PHACTR2: variants seen among roughly 807,000 people sequenced by gnomAD.
PHACTR2 encodes the protein phosphatase and actin regulator 2.
Under a neutral mutation model 76.0 loss-of-function variants are expected in PHACTR2, and 30 were observed. The observed-to-expected ratio is 0.39, with a 90% CI of 0.30 to 0.54. The LOEUF (loss-of-function observed/expected upper bound fraction) is 0.54, where lower values mean the gene tolerates loss of function less well. PHACTR2 is among the 20% of genes least tolerant of loss of function. The pLI, the probability that PHACTR2 is intolerant of heterozygous loss-of-function variation, is 0.61. For synonymous variants in PHACTR2, 292 were observed against 292.5 expected, an observed-to-expected ratio of 1.00 and a Z score of 0.02; for missense variants, 696 against 781.1, an observed-to-expected ratio of 0.89 and a Z score of 1.30.
At position 143,628,922 on chromosome 6, in the gene PHACTR2, GAGATAT is replaced by G. The variant is rs1410859912; in HGVS notation, c.13+20602_13+20607del. 1.5e-3 allele frequency among the ~76,000 whole-genome samples: 157 copies of G among 104,480 alleles called. 21 individuals are homozygous for G. Among genetic ancestry groups the G allele is most frequent in the Middle Eastern group, 9.8e-3 (2 of 204 alleles). The allele number at this position is 104,480 out of a possible 152,430, so 68.5% of individuals were successfully genotyped here. A position where few individuals can be genotyped will look rare whatever the true frequency, so the allele number is the denominator to read the frequency against. ...AAAGAAGATGAATGTTTAAATGCAGGAGATATATATATATATATATATATATATATA... is the reference window on the plus strand; with the variant it reads ...AAAGAAGATGAATGTTTAAATGCAGGATATATATATATATATATATATATA... On this transcript the variant is annotated intron_variant, in intron 1 of 11. Coordinates refer to the PHACTR2 transcript ENST00000305766.
chr6:143,760,472 C>T lies in PHACTR2; in HGVS notation c.526C>T (p.Pro176Ser), dbSNP rs2073214. 0.16 allele frequency: 255,472 copies of T among 1,613,100 alleles called. 21,329 individuals are homozygous for T. The highest frequency in any genetic ancestry group is 0.29 in the African/African-American group (21,909 of 74,870). ...LPPSAPPKPR[P>S]KPKPKKSPVP... Reference sequence around the variant, plus strand: ...TCCTTCTGCTCCTCCTAAGCCTAGACCCAAACCTAAACCCAAAAAATCACC... The same window carrying T: ...TCCTTCTGCTCCTCCTAAGCCTAGATCCAAACCTAAACCCAAAAAATCACC... Residue 176 changes from proline (P) to serine (S), a missense_variant, in exon 5 of 13, where the codon CCC becomes TCC. Pro to Ser is a moderately conservative substitution (Grantham distance 74, BLOSUM62 -1). Coordinates refer to ENST00000440869, the MANE Select transcript of PHACTR2 (RefSeq NM_001100164.2). This position sits in a 1 kb window ranked among gnomAD's most constrained non-coding sequence, Gnocchi z 6.4.
chr6:143,805,479 C>CAA (rs746027973), intron 11 of PHACTR2, among the ~76,000 whole-genome samples: 42 of 95,108 alleles, frequency 4.4e-4, no homozygotes, highest in Middle Eastern at 5.4e-3. Context: ...AACTCCGTCT[C>CAA]AAAAAAAAAA....
chr6:143,753,792 C>A lies in PHACTR2; in HGVS notation c.334C>A (p.His112Asn). The A allele has an allele frequency of 6.2e-7, 1 of 1,605,410 alleles. No homozygotes were observed. ...VTVNFENSNG[H>N]MIPIGEESTR... Reference sequence around the variant, plus strand: ...AGTTAACTTTGAAAATTCAAACGGGCACATGATACCCATCGGAGAGGAATC... The same window carrying A: ...AGTTAACTTTGAAAATTCAAACGGGAACATGATACCCATCGGAGAGGAATC... Residue 112 changes from histidine (H) to asparagine (N), a missense_variant, in exon 4 of 13, where the codon CAC (histidine) becomes AAC (asparagine). Coordinates refer to ENST00000440869, the MANE Select transcript of PHACTR2 (RefSeq NM_001100164.2). The surrounding 1 kb of genome is among the most constrained non-coding windows in gnomAD (Gnocchi z 4.6).
chr6:143,695,584 G>T lies in PHACTR2; in HGVS notation c.47-16432G>T, dbSNP rs530948851. On this transcript the variant is annotated intron_variant, in intron 1 of 12. Transcript: ENST00000440869. The surrounding 1 kb of genome is among the most constrained non-coding windows in gnomAD (Gnocchi z 4.4). Reference sequence around the variant, plus strand: ...GGCACTGCAGTCCTAGAGGCAAAGGGAATGAGCATAAGGTTCCTGCTAGAT... The same window carrying T: ...GGCACTGCAGTCCTAGAGGCAAAGGTAATGAGCATAAGGTTCCTGCTAGAT... Among the ~76,000 whole-genome samples, 1 of 152,316 alleles carries T rather than the reference G, an allele frequency of 6.6e-6. No individual in the cohort carries two copies. The highest frequency in any genetic ancestry group is 2.4e-5 in the African/African-American group (1 of 41,574).
chr6:143,633,761 A>T lies in PHACTR2; in HGVS notation c.13+25439A>T, dbSNP rs1364416436. Among the ~76,000 whole-genome samples, 4 of 152,202 alleles carry T rather than the reference A, an allele frequency of 2.6e-5. No homozygotes were observed. Among genetic ancestry groups the T allele is most frequent in the Admixed American group, 6.5e-5 (1 of 15,282 alleles). Reference sequence around the variant, plus strand: ...TTTTCTCCTACGTTATCTTCTGGGAATTCTGTAGTTTTGTACTTTATATTT... The same window carrying T: ...TTTTCTCCTACGTTATCTTCTGGGATTTCTGTAGTTTTGTACTTTATATTT... On this transcript the variant is annotated intron_variant, in intron 1 of 11. Coordinates refer to the PHACTR2 transcript ENST00000305766. The surrounding 1 kb of genome is among the most constrained non-coding windows in gnomAD (Gnocchi z 4.1).
chr6:143,625,832 C>T lies in PHACTR2; in HGVS notation c.13+17510C>T, dbSNP rs138645650. The stretch of plus-strand genomic sequence containing the variant: ...AGCCAACAGACAGTGACCAGATCAA[C>T]AAGTAAATGTATGATAAAATGCCAG... On this transcript the variant is annotated intron_variant, in intron 1 of 11. Coordinates refer to the PHACTR2 transcript ENST00000305766. The surrounding 1 kb of genome is among the most constrained non-coding windows in gnomAD (Gnocchi z 4.3). Among the ~76,000 whole-genome samples the T allele has an allele frequency of 5.7e-3, 868 of 152,184 alleles. 8 individuals carry two copies. The highest frequency in any genetic ancestry group is 0.02 in the African/African-American group (817 of 41,502).
intron 1 of PHACTR2, among the ~76,000 whole-genome samples, chr6:143,587,646 A>G (rs1775643752): frequency 6.6e-6 from 1 of 152,146 alleles, no homozygotes; most frequent in African/African-American, 2.4e-5. Flanking sequence ...TAAAGGTAAG[A>G]GTTTTCTATT....
chr6:143,777,668 A>G lies in PHACTR2; in HGVS notation c.1645+285A>G, dbSNP rs1046268848. Among the ~76,000 whole-genome samples the G allele has an allele frequency of 2.0e-5, 3 of 152,180 alleles. No homozygotes were observed. The highest frequency in any genetic ancestry group is 4.4e-5 in the Non-Finnish European group (3 of 68,036). The stretch of plus-strand genomic sequence containing the variant: ...TGAAATATATTCCATGTATTCTTTC[A>G]CCCAAATATTAAATAGAAAAAGAAT... On this transcript the variant is annotated intron_variant, in intron 9 of 12. Transcript: ENST00000440869. This position sits in a 1 kb window ranked among gnomAD's most constrained non-coding sequence, Gnocchi z 4.6.
rs1775173140 is a variant in PHACTR2, at chr6:143,556,300, T to C, written c.217+19093T>C. On this transcript the variant is annotated intron_variant, in intron 1 of 11. Transcript: ENST00000367584. This position sits in a 1 kb window ranked among gnomAD's most constrained non-coding sequence, Gnocchi z 4.3. ...GACATTAAGGTATGGACTTTAGGTG[T>C]GGGGCATCTCCAATGCTCCTGCGTG... Among the ~76,000 whole-genome samples the C allele has an allele frequency of 6.6e-6, 1 of 152,230 alleles. No individual in the cohort carries two copies. The highest frequency in any genetic ancestry group is 1.5e-5 in the Non-Finnish European group (1 of 68,040).
At position 143,823,630 on chromosome 6, in the gene PHACTR2, G is replaced by A. The variant is rs201673333; in HGVS notation, c.1923-44G>A. 7 of 1,565,402 alleles carry A rather than the reference G, an allele frequency of 4.5e-6. No individual in the cohort carries two copies. The highest frequency in any genetic ancestry group is 1.3e-5 in the African/African-American group (1 of 74,146). On this transcript the variant is annotated intron_variant, in intron 12 of 12. Coordinates refer to ENST00000440869, the MANE Select transcript of PHACTR2 (RefSeq NM_001100164.2). The surrounding 1 kb of genome is among the most constrained non-coding windows in gnomAD (Gnocchi z 5.7). Reference sequence around the variant, plus strand: ...TTATTCAGCTCACTGCATGCAGAATGTGCTCCTAGGCCACAGGCTTATAGT... The same window carrying A: ...TTATTCAGCTCACTGCATGCAGAATATGCTCCTAGGCCACAGGCTTATAGT...
intron 11 of PHACTR2, among the ~76,000 whole-genome samples, chr6:143,790,670 A>G (rs1211072740): frequency 6.7e-6 from 1 of 148,902 alleles, no homozygotes; most frequent in Non-Finnish European, 1.5e-5. Flanking sequence ...TTGATTTAAC[A>G]AGATTCTTTT....
At chr6:143,667,254 A>G (rs1777054792) in intron 1 of PHACTR2, among the ~76,000 whole-genome samples, 1 of 152,208 alleles carries the variant, frequency 6.6e-6, no homozygotes, top group African/African-American at 2.4e-5. Context: ...TTTTGGTACC[A>G]GTACCATGCT....
Position 143,626,267 on chromosome 6 carries a change from G to A in PHACTR2, c.13+17945G>A, listed in dbSNP as rs551136115. On this transcript the variant is annotated intron_variant, in intron 1 of 11. Transcript: ENST00000305766. Reference sequence around the variant, plus strand: ...TTTAGCACAAAACCGGCCGGGCACGGTTGCTCACGCCCGTAATCCCAGCAC... The same window carrying A: ...TTTAGCACAAAACCGGCCGGGCACGATTGCTCACGCCCGTAATCCCAGCAC... Among the ~76,000 whole-genome samples, 4 of 152,262 alleles carry A rather than the reference G, an allele frequency of 2.6e-5. No individual in the cohort carries two copies. In the East Asian group the frequency reaches 5.8e-4, roughly 22 times the overall value.
chr6:143,664,697 T>C lies in PHACTR2; in HGVS notation c.14-47319T>C, dbSNP rs935396433. The stretch of plus-strand genomic sequence containing the variant: ...ACTTCCTCATTTGCAGAGCCGATAG[T>C]TTATTAAATTCACCATCATGTCCTC... On this transcript the variant is annotated intron_variant, in intron 1 of 11. Coordinates refer to the PHACTR2 transcript ENST00000305766. This position sits in a 1 kb window ranked among gnomAD's most constrained non-coding sequence, Gnocchi z 5.1. Among the ~76,000 whole-genome samples the C allele has an allele frequency of 2.0e-5, 3 of 152,202 alleles. No homozygotes were observed. The highest frequency in any genetic ancestry group is 4.4e-5 in the Non-Finnish European group (3 of 68,040).
intron 2 of PHACTR2, among the ~76,000 whole-genome samples, chr6:143,724,183 T>C (rs1481129400): frequency 6.6e-6 from 1 of 152,126 alleles, no homozygotes; most frequent in African/African-American, 2.4e-5. Flanking sequence ...TCACCCAGGC[T>C]GGACTGTAGT....
Position 143,760,477 on chromosome 6 carries a change from A to C in PHACTR2, c.531A>C (p.Lys177Asn). The change falls in exon 5 of 13, where the codon AAA (lysine) becomes AAC (asparagine). Residue 177 changes from lysine to asparagine, a missense_variant. By Grantham distance (94) the Lys-to-Asn change is moderately conservative (BLOSUM62 0). Coordinates refer to ENST00000440869, the MANE Select transcript of PHACTR2 (RefSeq NM_001100164.2). This position sits in a 1 kb window ranked among gnomAD's most constrained non-coding sequence, Gnocchi z 6.4. ...CTGCTCCTCCTAAGCCTAGACCCAA[A>C]CCTAAACCCAAAAAATCACCTGTGC... Reference protein sequence around the residue: ...PPSAPPKPRPKPKPKKSPVPP... With the variant: ...PPSAPPKPRPNPKPKKSPVPP... 6.2e-7 allele frequency: 1 copy of C among 1,613,590 alleles called. No homozygotes were observed. Among genetic ancestry groups the C allele is most frequent in the Non-Finnish European group, 8.5e-7 (1 of 1,179,804 alleles).
In PHACTR2 at chr6:143,823,174, G is replaced by C. The variant is rs879459666; in HGVS notation, c.1923-500G>C. On this transcript the variant is annotated intron_variant, in intron 12 of 12. Transcript: ENST00000440869. The surrounding 1 kb of genome is among the most constrained non-coding windows in gnomAD (Gnocchi z 5.7). Reference sequence around the variant, plus strand: ...CTTAGTATATACCTGTGGAACATCTGGGGGGAAGCGCCCTGTGGGCTTTTG... The same window carrying C: ...CTTAGTATATACCTGTGGAACATCTCGGGGGAAGCGCCCTGTGGGCTTTTG... Among the ~76,000 whole-genome samples, 3 of 152,232 alleles carry C rather than the reference G, an allele frequency of 2.0e-5. No individual in the cohort carries two copies. Among genetic ancestry groups the C allele is most frequent in the Admixed American group, 6.5e-5 (1 of 15,286 alleles).
intron 5 of PHACTR2, among the ~76,000 whole-genome samples, chr6:143,762,140 T>A (rs1562297064): frequency 6.6e-6 from 1 of 152,104 alleles, no homozygotes; most frequent in Admixed American, 6.5e-5. Flanking sequence ...CTGCTTAAAG[T>A]GAGGGAGGCA....
rs137880620 is a variant in PHACTR2, at chr6:143,775,270, G to T, written c.1589+1055G>T. Among the ~76,000 whole-genome samples, 66 of 152,224 alleles carry T rather than the reference G, an allele frequency of 4.3e-4. No individual in the cohort carries two copies. The highest frequency in any genetic ancestry group is 8.7e-4 in the Non-Finnish European group (59 of 68,012). On this transcript the variant is annotated intron_variant, in intron 8 of 12. Transcript: ENST00000440869. The surrounding 1 kb of genome is among the most constrained non-coding windows in gnomAD (Gnocchi z 4.4). ...AGGGAACCTCGGGGGAGGCTTAGAGGGTCTCTCTGTTCTGTAAACCCTCTT... is the reference window on the plus strand; with the variant it reads ...AGGGAACCTCGGGGGAGGCTTAGAGTGTCTCTCTGTTCTGTAAACCCTCTT...
Sources: gnomAD v4.1 joint callset for allele counts (sites outside exome capture counted in the v4.1 genomes callset) on GRCh38, gnomAD v4.1.1 for gene constraint, Gnocchi (gnomAD v3.1) non-coding constraint, MANE v1.5 for transcripts, NCBI Gene and HGNC (gene_info 2026-07-23, HGNC 2026-07-21) for gene names.